Variants in ELOVL6 observed in about 807,000 individuals in gnomAD.
ELOVL6 encodes ELOVL fatty acid elongase 6.
In ELOVL6, 8 loss-of-function variants were observed where a neutral mutation model predicts 31.7. The observed-to-expected ratio is 0.25, with a 90% CI of 0.15 to 0.45. The LOEUF is 0.45. Among genes scored for constraint, ELOVL6 ranks in the 20% least tolerant of loss-of-function variants. ELOVL6 has a pLI of 1.00. For missense variants in ELOVL6, 126 were observed against 326.4 expected (o/e 0.39, Z 4.73); for synonymous variants, 101 against 117.7 (o/e 0.86, Z 0.92).
intron 2 of ELOVL6, among the ~76,000 whole-genome samples, chr4:110,081,863 C>T (rs1755865899): frequency 6.7e-6 from 1 of 149,582 alleles, no homozygotes; most frequent in Non-Finnish European, 1.5e-5. Flanking sequence ...GGGTTAATAC[C>T]CAGAATCTAC....
chr4:110,152,162 CTT>C (rs1230549982), intron 1 of ELOVL6, among the ~76,000 whole-genome samples: 1 of 152,128 alleles, frequency 6.6e-6, no homozygotes, highest in African/African-American at 2.4e-5. Context: ...ATCTTTAAAA[CTT>C]AATATTGGTT....
At chr4:110,084,448 G>GATATATCA (rs1553956196) in intron 2 of ELOVL6, among the ~76,000 whole-genome samples, 23 of 32,074 alleles carry the variant, frequency 7.2e-4, no homozygotes, top group East Asian at 6.5e-3. Context: ...ATGATATATC[G>GATATATCA]CATATATCAT....
intron 1 of ELOVL6, among the ~76,000 whole-genome samples, chr4:110,126,591 T>C (rs2126255760): frequency 6.6e-6 from 1 of 152,302 alleles, no homozygotes; most frequent in South Asian, 2.1e-4. Flanking sequence ...CTAACAACCC[T>C]ATGTACACAC....
chr4:110,053,945 A>G (rs1269969424), intron 3 of ELOVL6, among the ~76,000 whole-genome samples: 2 of 151,788 alleles, frequency 1.3e-5, no homozygotes, highest in African/African-American at 4.8e-5. Context: ...TCTCAAAAAA[A>G]AAAAATTAGC....
In ELOVL6 at chr4:110,198,530, C is replaced by T. The variant is rs1759890170; in HGVS notation, c.-195G>A. The T allele has an allele frequency of 1.8e-6, 1 of 543,236 alleles. No homozygotes were observed. Among genetic ancestry groups the T allele is most frequent in the South Asian group, 2.4e-5 (1 of 41,072 alleles). The allele number at this position is 543,236 out of a possible 1,614,324, so 33.7% of individuals were successfully genotyped here. On this transcript the variant is annotated 5_prime_UTR_variant, in exon 1 of 4. Coordinates refer to ENST00000302274, the MANE Select transcript of ELOVL6 (RefSeq NM_024090.3). ...CCAGGGCTGAGCATTGCCTGCGCCT[C>T]CGCTCCCAGCTCCTCTCTCTGGGGC...
Position 110,051,601 on chromosome 4 carries a change from A to T in ELOVL6, c.535T>A (p.Ser179Thr). The T allele has an allele frequency of 6.2e-7, 1 of 1,614,214 alleles. No individual in the cohort carries two copies. The highest frequency in any genetic ancestry group is 2.2e-5 in the East Asian group (1 of 44,854). The change falls in exon 4 of 4, where the codon TCT (serine) becomes ACT (threonine). Residue 179 changes from serine to threonine, a missense_variant. Around this residue, in one of 3 missense-constraint regions of ELOVL6, gnomAD observed 57 missense variants for 110.2 expected, o/e 0.52. Coordinates refer to ENST00000302274, the MANE Select transcript of ELOVL6 (RefSeq NM_024090.3). The surrounding 1 kb of genome is among the most constrained non-coding windows in gnomAD (Gnocchi z 4.8). Reference sequence around the variant, plus strand: ...CCTGCCGCCCGCAAGGCATAGTAAGAGTACATCACGGCGTGCACGCCATAG... The same window carrying T: ...CCTGCCGCCCGCAAGGCATAGTAAGTGTACATCACGGCGTGCACGCCATAG... ...MNYGVHAVMY[S>T]YYALRAAGFR... is the part of the protein sequence containing the mutation.
At chr4:110,194,094 T>C (rs1402342272) in intron 1 of ELOVL6, among the ~76,000 whole-genome samples, 2 of 152,210 alleles carry the variant, frequency 1.3e-5, no homozygotes, top group Admixed American at 1.3e-4. Context: ...AGAGCCCAGC[T>C]TCCCTTCTCA....
intron 2 of ELOVL6, among the ~76,000 whole-genome samples, chr4:110,081,853 G>A (rs925293427): frequency 6.8e-6 from 1 of 148,136 alleles, no homozygotes; most frequent in African/African-American, 2.5e-5. Context: ...ATCTGACAAA[G>A]GGTTAATACC....
chr4:110,136,011 ATTAAGTCTGGGCTAATATTGAAGGTATC>A, intron 1 of ELOVL6, among the ~76,000 whole-genome samples: 1 of 152,314 alleles, frequency 6.6e-6, no homozygotes, highest in East Asian at 1.9e-4. Flanking sequence ...GATGTTAATA[ATTAAGTCTGGGCTAATATTGAAGGTATC>A]TTATGATGGG....
intron 1 of ELOVL6, among the ~76,000 whole-genome samples, chr4:110,158,038 T>C (rs963268616): frequency 3.3e-5 from 5 of 152,360 alleles, no homozygotes; most frequent in East Asian, 3.9e-4. Flanking sequence ...TTCATGGATA[T>C]AGTACATTGA....
At chr4:110,062,449 GA>G (rs772681192) in intron 2 of ELOVL6, among the ~76,000 whole-genome samples, 11 of 152,214 alleles carry the variant, frequency 7.2e-5, no homozygotes, top group Non-Finnish European at 1.5e-4. Flanking sequence ...GGGCCAATGG[GA>G]TAATTGTTAT....
intron 1 of ELOVL6, among the ~76,000 whole-genome samples, chr4:110,158,608 T>C (rs527312356): frequency 2.4e-4 from 34 of 142,240 alleles, no homozygotes; most frequent in Admixed American, 2.0e-3. Flanking sequence ...CACACACACA[T>C]ATATATACAC....
intron 1 of ELOVL6, among the ~76,000 whole-genome samples, chr4:110,115,846 G>T (rs1161638227): frequency 6.6e-6 from 1 of 152,150 alleles, no homozygotes; most frequent in African/African-American, 2.4e-5. Flanking sequence ...AGTCACCAGG[G>T]TTGCATTTCT....
chr4:110,088,573 G>C (rs923180182), intron 2 of ELOVL6, among the ~76,000 whole-genome samples: 2 of 152,126 alleles, frequency 1.3e-5, no homozygotes, highest in African/African-American at 4.8e-5. Flanking sequence ...CATAGATCTT[G>C]GCAACCTTAA....
At chr4:110,102,224 A>T (rs1756761755) in intron 2 of ELOVL6, among the ~76,000 whole-genome samples, 1 of 152,244 alleles carries the variant, frequency 6.6e-6, no homozygotes, top group Non-Finnish European at 1.5e-5. Context: ...CTGGATTTTT[A>T]AATTTTATAC....
intron 1 of ELOVL6, among the ~76,000 whole-genome samples, chr4:110,158,659 T>TATA (rs1560849884): frequency 1.3e-3 from 60 of 44,660 alleles, no homozygotes; most frequent in African/African-American, 2.7e-3. Flanking sequence ...ATATATATAT[T>TATA]TTTTTTTTTT....
At chr4:110,105,283 G>T (rs1256933439) in intron 2 of ELOVL6, among the ~76,000 whole-genome samples, 2 of 152,160 alleles carry the variant, frequency 1.3e-5, no homozygotes, top group Non-Finnish European at 2.9e-5. Context: ...GACAGGACAA[G>T]AGATGGCCTG....
intron 2 of ELOVL6, among the ~76,000 whole-genome samples, chr4:110,084,092 A>ATGTTATATAT (rs1756030916): frequency 4.1e-5 from 3 of 72,714 alleles, no homozygotes; most frequent in African/African-American, 1.4e-4. Flanking sequence ...ATGATATATA[A>ATGTTATATAT]CATATATATG....
At chr4:110,179,731 C>T (rs913557327) in intron 1 of ELOVL6, among the ~76,000 whole-genome samples, 8 of 152,254 alleles carry the variant, frequency 5.3e-5, no homozygotes, top group Admixed American at 1.3e-4. Context: ...ATAAACAAGA[C>T]ATACGGAGCT....
Sources: gnomAD v4.1 joint callset for allele counts (sites outside exome capture counted in the v4.1 genomes callset) on GRCh38, gnomAD v4.1.1 for gene constraint, gnomAD v4.1.1 regional missense constraint, Gnocchi (gnomAD v3.1) non-coding constraint, MANE v1.5 for transcripts, NCBI Gene and HGNC (gene_info 2026-07-23, HGNC 2026-07-21) for gene names.